The following ALPI variants were observed in gnomAD, a reference collection of about 807,000 sequenced individuals.
The protein encoded by ALPI is alkaline phosphatase, intestinal, also known as intestinal-type alkaline phosphatase.
In ALPI, 50 loss-of-function variants were observed where a neutral mutation model predicts 51.5. That is an observed-to-expected ratio of 0.97 (90% CI 0.77 to 1.23). ALPI has a LOEUF of 1.23. Among genes scored for constraint, ALPI ranks in the 50% most tolerant of loss-of-function variants. The pLI is 0.00. For missense variants in ALPI, 692 were observed against 722.4 expected, an observed-to-expected ratio of 0.96 and a Z score of 0.48; for synonymous variants, 322 against 308.2, an observed-to-expected ratio of 1.04 and a Z score of -0.47.
rs992419429 is a variant in ALPI, at chr2:232,457,473, A to G, written c.649-92A>G. The G allele has an allele frequency of 8.4e-6, 13 of 1,540,986 alleles. No individual in the cohort carries two copies. In the Admixed American group the frequency reaches 1.2e-4, roughly 14 times the overall value. ...GCAATACAGGCTGGGCCATTCCCAC[A>G]GCCCTGGGGAGGGGAGCCAGGGGCT... On this transcript the variant is annotated intron_variant, in intron 5 of 10. Coordinates refer to ENST00000295463, the MANE Select transcript of ALPI (RefSeq NM_001631.5). The surrounding 1 kb of genome is among the most constrained non-coding windows in gnomAD (Gnocchi z 4.7).
Position 232,459,105 on chromosome 2 carries a change from G to A in ALPI, c.1546G>A (p.Ala516Thr). ...AGTTGCCGCGTCGCTGCCACTGCTG[G>A]CCGGGACCCTGCTGCTGCTGGGGGC... ...HPVAASLPLL[A>T]GTLLLLGASA... Residue 516 changes from alanine to threonine, a missense_variant, in exon 11 of 11, where the codon GCC becomes ACC. Physicochemically the swap from Ala to Thr is moderately conservative, Grantham distance 58. Coordinates refer to ENST00000295463, the MANE Select transcript of ALPI (RefSeq NM_001631.5). The A allele has an allele frequency of 6.5e-7, 1 of 1,538,682 alleles. No homozygotes were observed. The highest frequency in any genetic ancestry group is 2.4e-5 in the East Asian group (1 of 40,882).
chr2:232,456,349 C>T lies in ALPI; in HGVS notation c.68C>T (p.Ala23Val), dbSNP rs1690183844. Residue 23 changes from alanine to valine, a missense_variant and splice_region_variant, in exon 2 of 11, where the codon GCT becomes GTT. Coordinates refer to ENST00000295463, the MANE Select transcript of ALPI (RefSeq NM_001631.5). This position sits in a 1 kb window ranked among gnomAD's most constrained non-coding sequence, Gnocchi z 4.2. ...RLQLSLGVIP[A>V]EEENPAFWNR... ...TGATCTCTACTCTCCCCCTGGCCAG[C>T]TGAGGAGGAGAACCCGGCCTTCTGG... is the stretch of plus-strand genomic sequence containing the variant. The T allele has an allele frequency of 6.2e-7, 1 of 1,614,032 alleles. No homozygotes were observed. The highest frequency in any genetic ancestry group is 1.7e-5 in the Admixed American group (1 of 60,014).
rs553657065 is a variant in ALPI, at chr2:232,458,369, T to A, written c.1144T>A (p.Ser382Thr). ...LVTADHSHVF[S>T]FGGYTLRGSS... is the part of the protein sequence containing the mutation. ...CACCGCTGACCACTCCCATGTCTTC[T>A]CCTTTGGTGGCTACACCTTGCGAGG... is the stretch of plus-strand genomic sequence containing the variant. Residue 382 changes from serine (S) to threonine (T), a missense_variant, in exon 9 of 11, where the codon TCC (serine) becomes ACC (threonine). Physicochemically the swap from Ser to Thr is moderately conservative, Grantham distance 58. Transcript: ENST00000295463. The A allele has an allele frequency of 1.2e-6, 2 of 1,613,970 alleles. No individual in the cohort carries two copies. The highest frequency in any genetic ancestry group is 3.3e-5 in the Admixed American group (2 of 60,014).
Position 232,459,078 on chromosome 2 carries a change from C to T in ALPI, c.1519C>T (p.Pro507Ser), listed in dbSNP as rs1690263234. Residue 507 changes from proline (P) to serine (S), a missense_variant, in exon 11 of 11, where the codon CCA becomes TCA. By Grantham distance (74) the Pro-to-Ser change is moderately conservative (BLOSUM62 -1). Coordinates refer to ENST00000295463, the MANE Select transcript of ALPI (RefSeq NM_001631.5). ...CGCCTGCACCACCGACGCCGCGCAC[C>T]CAGTTGCCGCGTCGCTGCCACTGCT... ...PPACTTDAAH[P>S]VAASLPLLAG... 2.6e-6 allele frequency: 4 copies of T among 1,544,064 alleles called. No individual in the cohort carries two copies. The highest frequency in any genetic ancestry group is 1.4e-5 in the African/African-American group (1 of 73,024).
In ALPI at chr2:232,459,094, T is replaced by C; in HGVS notation, c.1535T>C (p.Leu512Pro). ...TDAAHPVAAS[L>P]PLLAGTLLLL... ...GCCGCGCACCCAGTTGCCGCGTCGC[T>C]GCCACTGCTGGCCGGGACCCTGCTG... is the stretch of plus-strand genomic sequence containing the variant. Residue 512 changes from leucine (L) to proline (P), a missense_variant, in exon 11 of 11, where the codon CTG becomes CCG. Physicochemically the swap from Leu to Pro is moderately conservative, Grantham distance 98. Coordinates refer to ENST00000295463, the MANE Select transcript of ALPI (RefSeq NM_001631.5). The C allele has an allele frequency of 6.5e-7, 1 of 1,540,962 alleles. No individual in the cohort carries two copies. The highest frequency in any genetic ancestry group is 8.7e-7 in the Non-Finnish European group (1 of 1,146,374).
At position 232,456,816 on chromosome 2, in the gene ALPI, G is replaced by A. The variant is rs530918095; in HGVS notation, c.301-83G>A. ...TAAGTTAGGAGCTGGGAGCAGTTAG[G>A]ATCCCAGAGGACCAGAACCAGGTCC... On this transcript the variant is annotated intron_variant, in intron 3 of 10. Coordinates refer to ENST00000295463, the MANE Select transcript of ALPI (RefSeq NM_001631.5). This position sits in a 1 kb window ranked among gnomAD's most constrained non-coding sequence, Gnocchi z 4.2. 4.4e-5 allele frequency: 70 copies of A among 1,578,250 alleles called. No homozygotes were observed. In the East Asian group the frequency reaches 1.6e-3, roughly 36 times the overall value.
rs1690230465 is a variant in ALPI, at chr2:232,458,043, C to G, written c.902C>G (p.Pro301Arg). Residue 301 changes from proline to arginine, a missense_variant, in exon 8 of 11, where the codon CCC becomes CGC. Transcript: ENST00000295463. ...GDTKYEIHRD[P>R]TLDPSLMEMT... ...ACGAAATATGAGATCCACCGAGACC[C>G]CACACTGGACCCCTCCCTGATGGAG... 2 of 1,613,882 alleles carry G rather than the reference C, an allele frequency of 1.2e-6. No homozygotes were observed. Among genetic ancestry groups the G allele is most frequent in the African/African-American group, 1.3e-5 (1 of 74,848 alleles).
At position 232,457,915 on chromosome 2, in the gene ALPI, G is replaced by T. The variant is rs760483561; in HGVS notation, c.856+48G>T. 3.1e-5 allele frequency: 50 copies of T among 1,612,170 alleles called. No homozygotes were observed. Among genetic ancestry groups the T allele is most frequent in the Non-Finnish European group, 4.2e-5 (49 of 1,178,992 alleles). ...GGCATTCCTCAGACAACCTCAGAGG[G>T]TGCCATCCGAGCCTGTGTGCCCATT... is the stretch of plus-strand genomic sequence containing the variant. On this transcript the variant is annotated intron_variant, in intron 7 of 10. Coordinates refer to ENST00000295463, the MANE Select transcript of ALPI (RefSeq NM_001631.5). This position sits in a 1 kb window ranked among gnomAD's most constrained non-coding sequence, Gnocchi z 4.7.
At position 232,458,386 on chromosome 2, in the gene ALPI, C is replaced by G. The variant is rs1690241931; in HGVS notation, c.1161C>G (p.Thr387=). The change falls in exon 9 of 11, where the codon ACC becomes ACG. Residue 387 remains threonine (T), a synonymous_variant. Transcript: ENST00000295463. ...HSHVFSFGGY[T]LRGSSIFGLA... is the part of the protein sequence containing the mutation. ...ATGTCTTCTCCTTTGGTGGCTACAC[C>G]TTGCGAGGGAGCTCCATCTTCGGTA... is the stretch of plus-strand genomic sequence containing the variant. The G allele has an allele frequency of 1.9e-6, 3 of 1,613,606 alleles. No homozygotes were observed. The highest frequency in any genetic ancestry group is 2.5e-6 in the Non-Finnish European group (3 of 1,179,832).
Position 232,457,509 on chromosome 2 carries a change from A to G in ALPI, c.649-56A>G, listed in dbSNP as rs981350770. The G allele has an allele frequency of 1.2e-5, 18 of 1,560,000 alleles. No homozygotes were observed. In the Admixed American group the frequency reaches 3.4e-4, roughly 29 times the overall value. On this transcript the variant is annotated intron_variant, in intron 5 of 10. Transcript: ENST00000295463. This position sits in a 1 kb window ranked among gnomAD's most constrained non-coding sequence, Gnocchi z 4.7. Reference sequence around the variant, plus strand: ...GGGGAGCCAGGGGCTATGCATGAGGAGGGGGCACGGGGCCAGCCAGGCCCC... The same window carrying G: ...GGGGAGCCAGGGGCTATGCATGAGGGGGGGGCACGGGGCCAGCCAGGCCCC...
At position 232,459,844 on chromosome 2, in the gene ALPI, T is replaced by A. The variant is rs544049933; in HGVS notation, c.*698T>A. 5.2e-4 allele frequency: 79 copies of A among 152,492 alleles called. No homozygotes were observed. Among genetic ancestry groups the A allele is most frequent in the African/African-American group, 1.8e-3 (73 of 41,536 alleles). 9.4% of individuals were successfully genotyped at this position (152,492 alleles called of 1,614,324 possible). Reference sequence around the variant, plus strand: ...ATGCTTCCTGCCCCCCAGTGCCCATTCCAGGTCACCAGATCCAAGGAGCGC... The same window carrying A: ...ATGCTTCCTGCCCCCCAGTGCCCATACCAGGTCACCAGATCCAAGGAGCGC... On this transcript the variant is annotated 3_prime_UTR_variant, in exon 11 of 11. Transcript: ENST00000295463.
In ALPI at chr2:232,456,301, G is replaced by A. The variant is rs551044260; in HGVS notation, c.67+35G>A. On this transcript the variant is annotated intron_variant, in intron 1 of 10. Coordinates refer to ENST00000295463, the MANE Select transcript of ALPI (RefSeq NM_001631.5). This position sits in a 1 kb window ranked among gnomAD's most constrained non-coding sequence, Gnocchi z 4.2. ...CTCCCCAAGCTGTTCCACACACAGG[G>A]CACCCCCTCAGCCAGGCTGACCTGA... is the stretch of plus-strand genomic sequence containing the variant. 5.0e-6 allele frequency: 8 copies of A among 1,614,092 alleles called. No homozygotes were observed. Among genetic ancestry groups the A allele is most frequent in the South Asian group, 3.3e-5 (3 of 91,078 alleles).
rs745765051 is a variant in ALPI, at chr2:232,458,110, C to A, written c.969C>A (p.Arg323=). 3.7e-6 allele frequency: 6 copies of A among 1,614,048 alleles called. No individual in the cohort carries two copies. The highest frequency in any genetic ancestry group is 4.5e-5 in the East Asian group (2 of 44,848). The change falls in exon 8 of 11, where the codon CGC becomes CGA. Residue 323 remains arginine, a synonymous_variant. Transcript: ENST00000295463. ...TGCGCCTGCTGAGCAGGAACCCCCG[C>A]GGCTTCTACCTCTTTGTGGAGGGTG... ...AALRLLSRNP[R]GFYLFVEGGR...
Position 232,456,588 on chromosome 2 carries a change from G to T in ALPI, c.193G>T (p.Val65Leu), listed in dbSNP as rs920492047. ...LILFLGDGLG[V>L]PTVTATRILK... ...CATTTCTGCTCCTTCAGGGTTGGGG[G>T]TGCCCACGGTGACAGCCACCAGGAT... The change falls in exon 3 of 11, where the codon GTG becomes TTG. Residue 65 changes from valine to leucine, a missense_variant. Coordinates refer to ENST00000295463, the MANE Select transcript of ALPI (RefSeq NM_001631.5). This position sits in a 1 kb window ranked among gnomAD's most constrained non-coding sequence, Gnocchi z 4.2. 4 of 1,612,680 alleles carry T rather than the reference G, an allele frequency of 2.5e-6. No homozygotes were observed. Among genetic ancestry groups the T allele is most frequent in the Admixed American group, 1.7e-5 (1 of 59,956 alleles).
In ALPI at chr2:232,459,307, C is replaced by A; in HGVS notation, c.*161C>A. On this transcript the variant is annotated 3_prime_UTR_variant, in exon 11 of 11. Coordinates refer to ENST00000295463, the MANE Select transcript of ALPI (RefSeq NM_001631.5). ...CAGCTGGCGCAGCGGGGCCCTTCTT[C>A]CCTCCGCATCCCCTTCAGGGAGCAG... 1.0e-6 allele frequency: 1 copy of A among 986,778 alleles called. No homozygotes were observed. The highest frequency in any genetic ancestry group is 2.9e-5 in the Admixed American group (1 of 34,234). The allele number at this position is 986,778 out of a possible 1,614,324, so 61.1% of individuals were successfully genotyped here.
chr2:232,456,999 C>T lies in ALPI; in HGVS notation c.401C>T (p.Ala134Val). Residue 134 changes from alanine (A) to valine (V), a missense_variant, in exon 4 of 11, where the codon GCC becomes GTC. Transcript: ENST00000295463. The surrounding 1 kb of genome is among the most constrained non-coding windows in gnomAD (Gnocchi z 4.2). Reference sequence around the variant, plus strand: ...TTCCAGACCATCGGCTTGAGTGCAGCCGCCCGCTTTAACCAGTGCAACACG... The same window carrying T: ...TTCCAGACCATCGGCTTGAGTGCAGTCGCCCGCTTTAACCAGTGCAACACG... ...ANFQTIGLSA[A>V]ARFNQCNTTR... The T allele has an allele frequency of 6.2e-7, 1 of 1,613,560 alleles. No individual in the cohort carries two copies. The highest frequency in any genetic ancestry group is 8.5e-7 in the Non-Finnish European group (1 of 1,180,026).
Position 232,458,612 on chromosome 2 carries a change from G to A in ALPI, c.1184-20G>A. ...ACAGCTGTGGTCAGCTCAACTACAG[G>A]GACCCGCATCTCCCTACAGGGTTGG... On this transcript the variant is annotated intron_variant, in intron 9 of 10. Transcript: ENST00000295463. The A allele has an allele frequency of 6.2e-7, 1 of 1,610,278 alleles. No individual in the cohort carries two copies. Among genetic ancestry groups the A allele is most frequent in the Admixed American group, 1.7e-5 (1 of 59,858 alleles).
rs774242869 is a variant in ALPI, at chr2:232,456,462, G to A, written c.181G>A (p.Asp61Asn). ...VAKNLILFLG[D>N]GLGVPTVTAT... is the part of the protein sequence containing the mutation. ...CAAGAACCTCATCCTCTTCCTGGGC[G>A]ATGGTGAGTGAGCAAGGCCTGTCCA... The change falls in exon 2 of 11, where the codon GAT (aspartate) becomes AAT (asparagine). Residue 61 changes from aspartate (D) to asparagine (N), a missense_variant. By Grantham distance (23) the Asp-to-Asn change is conservative. Transcript: ENST00000295463. This position sits in a 1 kb window ranked among gnomAD's most constrained non-coding sequence, Gnocchi z 4.2. 42 of 1,613,896 alleles carry A rather than the reference G, an allele frequency of 2.6e-5. 1 individual carries two copies. The highest frequency in any genetic ancestry group is 2.4e-4 in the South Asian group (22 of 91,090).
chr2:232,456,857 G>T lies in ALPI; in HGVS notation c.301-42G>T. 6.2e-7 allele frequency: 1 copy of T among 1,609,084 alleles called. No homozygotes were observed. Among genetic ancestry groups the T allele is most frequent in the Non-Finnish European group, 8.5e-7 (1 of 1,177,422 alleles). On this transcript the variant is annotated intron_variant, in intron 3 of 10. Coordinates refer to ENST00000295463, the MANE Select transcript of ALPI (RefSeq NM_001631.5). This position sits in a 1 kb window ranked among gnomAD's most constrained non-coding sequence, Gnocchi z 4.2. ...AACCAGGTCCTTGGTTGGGGTCTGG[G>T]TGTCCGCCCCGAAGTAGAGCTCAGG...
Sources: gnomAD v4.1 joint callset for allele counts on GRCh38, gnomAD v4.1.1 for gene constraint, Gnocchi (gnomAD v3.1) non-coding constraint, MANE v1.5 for transcripts, NCBI Gene and HGNC (gene_info 2026-07-23, HGNC 2026-07-21) for gene names.